FBXW11: variants seen among roughly 807,000 people sequenced by gnomAD.
FBXW11 encodes the protein F-box and WD repeat domain containing 11.
A neutral mutation model predicts 77.6 loss-of-function variants in FBXW11; 19 were observed. That is an observed-to-expected ratio of 0.24 (90% CI 0.17 to 0.36). The LOEUF (loss-of-function observed/expected upper bound fraction) is 0.36, where lower values mean the gene tolerates loss of function less well. Among genes scored for constraint, FBXW11 ranks in the 10% least tolerant of loss-of-function variants. The pLI is 1.00. For synonymous variants in FBXW11, 235 were observed against 249.4 expected (o/e 0.94, Z 0.54); for missense variants, 334 against 704.2 (o/e 0.47, Z 5.95).
chr5:172,001,264 TAGA>T (rs1214740498), intron 1 of FBXW11, among the ~76,000 whole-genome samples: 1 of 152,230 alleles, frequency 6.6e-6, no homozygotes, highest in Non-Finnish European at 1.5e-5. Context: ...ACACAGCCTC[TAGA>T]AGAAGAGTTT....
chr5:171,995,085 T>G (rs1435139033), intron 1 of FBXW11, among the ~76,000 whole-genome samples: 1 of 152,180 alleles, frequency 6.6e-6, no homozygotes, highest in East Asian at 1.9e-4. Context: ...AAAGAAAATT[T>G]TTTTAAGATG....
intron 1 of FBXW11, among the ~76,000 whole-genome samples, chr5:171,990,034 T>C (rs951173377): frequency 2.0e-5 from 3 of 152,032 alleles, no homozygotes; most frequent in Non-Finnish European, 4.4e-5. Flanking sequence ...ATTATGATGT[T>C]TGCAACTTAC....
At chr5:171,912,333 G>C (rs1760931768) in intron 3 of FBXW11, among the ~76,000 whole-genome samples, 1 of 152,066 alleles carries the variant, frequency 6.6e-6, no homozygotes, top group Middle Eastern at 3.2e-3. Context: ...ACCACCAGGG[G>C]GAAGCATTGA....
intron 2 of FBXW11, among the ~76,000 whole-genome samples, chr5:171,930,922 T>C (rs1196978695): frequency 1.3e-5 from 2 of 152,004 alleles, no homozygotes; most frequent in Admixed American, 1.3e-4. Context: ...TAAAAACATA[T>C]TACCATTTAC....
intron 7 of FBXW11, among the ~76,000 whole-genome samples, chr5:171,888,514 G>T (rs993485825): frequency 1.3e-5 from 2 of 152,218 alleles, no homozygotes; most frequent in East Asian, 1.9e-4. Flanking sequence ...CCCCTCTGAT[G>T]ATGTCAAGAC....
intron 7 of FBXW11, among the ~76,000 whole-genome samples, chr5:171,890,145 A>G (rs1253076649): frequency 6.6e-6 from 1 of 152,172 alleles, no homozygotes; most frequent in African/African-American, 2.4e-5. Flanking sequence ...GTGAATTTAA[A>G]GCAAAATGAG....
Position 171,863,906 on chromosome 5 carries a change from T to G in FBXW11, c.*221A>C, listed in dbSNP as rs1159719332. ...GGAAGGAAACGGGCTTCTGTTCTAC[T>G]TGAAGCCGGGGAAGCTAAGGTCTCC... is the stretch of plus-strand genomic sequence containing the variant. On this transcript the variant is annotated 3_prime_UTR_variant, in exon 14 of 14. Coordinates refer to ENST00000517395, the MANE Select transcript of FBXW11 (RefSeq NM_001378974.1). 2 of 152,288 alleles carry G rather than the reference T, an allele frequency of 1.3e-5. No individual in the cohort carries two copies. Among genetic ancestry groups the G allele is most frequent in the African/African-American group, 2.4e-5 (1 of 41,442 alleles). 9.4% of individuals were successfully genotyped at this position (152,288 alleles called of 1,614,324 possible). A position where few individuals can be genotyped will look rare whatever the true frequency, so the allele number is the denominator to read the frequency against.
At chr5:171,890,362 A>G (rs1265030898) in intron 7 of FBXW11, among the ~76,000 whole-genome samples, 3 of 152,062 alleles carry the variant, frequency 2.0e-5, no homozygotes, top group African/African-American at 7.2e-5. Flanking sequence ...ATCTCTACTA[A>G]AAACAAAAAA....
chr5:171,970,687 G>C (rs1190868835), intron 1 of FBXW11, among the ~76,000 whole-genome samples: 2 of 152,042 alleles, frequency 1.3e-5, no homozygotes, highest in Non-Finnish European at 2.9e-5. Flanking sequence ...GGAAAACAAT[G>C]GTAATAAAAA....
At chr5:171,994,973 G>T (rs911838303) in intron 1 of FBXW11, among the ~76,000 whole-genome samples, 5 of 152,192 alleles carry the variant, frequency 3.3e-5, no homozygotes, top group African/African-American at 9.7e-5. Context: ...GGGAGGCAAA[G>T]GTTGCAGTGA....
chr5:171,982,331 A>G (rs1406811285), intron 1 of FBXW11, among the ~76,000 whole-genome samples: 1 of 152,128 alleles, frequency 6.6e-6, no homozygotes, highest in East Asian at 1.9e-4. Context: ...ATGCAATGGC[A>G]TAATCTCAGC....
At chr5:171,895,598 A>G (rs780622803) in intron 6 of FBXW11, among the ~76,000 whole-genome samples, 13 of 152,188 alleles carry the variant, frequency 8.5e-5, no homozygotes, top group Non-Finnish European at 7.3e-5. Context: ...GTTTGTCACT[A>G]CTCAAATGGC....
chr5:171,898,993 C>A lies in FBXW11; in HGVS notation c.714+11G>T. ...CAAAGAGCCCATAAAACAGATAAAT[C>A]ATAAAGTTACCTCTATATCCTGGAT... On this transcript the variant is annotated intron_variant, in intron 6 of 13. Coordinates refer to ENST00000517395, the MANE Select transcript of FBXW11 (RefSeq NM_001378974.1). 6.5e-7 allele frequency: 1 copy of A among 1,537,134 alleles called. No homozygotes were observed. Among genetic ancestry groups the A allele is most frequent in the Non-Finnish European group, 8.8e-7 (1 of 1,132,682 alleles).
intron 2 of FBXW11, among the ~76,000 whole-genome samples, chr5:171,926,927 G>A (rs1761920755): frequency 6.6e-6 from 1 of 151,952 alleles, no homozygotes; most frequent in Non-Finnish European, 1.5e-5. Flanking sequence ...AGTGCAGTGG[G>A]AAAAGAATGG....
intron 2 of FBXW11, among the ~76,000 whole-genome samples, chr5:171,944,268 A>T (rs1312859570): frequency 6.6e-6 from 1 of 151,864 alleles, no homozygotes; most frequent in East Asian, 1.9e-4. Flanking sequence ...TATGTAAAAC[A>T]TATGCATAGA....
At chr5:171,992,662 T>A (rs1349699760) in intron 1 of FBXW11, among the ~76,000 whole-genome samples, 1 of 152,064 alleles carries the variant, frequency 6.6e-6, no homozygotes, top group African/African-American at 2.4e-5. Flanking sequence ...CATACACCAA[T>A]ACATACATTC....
At chr5:171,927,504 A>G (rs1222793424) in intron 2 of FBXW11, among the ~76,000 whole-genome samples, 1 of 152,212 alleles carries the variant, frequency 6.6e-6, no homozygotes, top group East Asian at 1.9e-4. Context: ...AAAATACACA[A>G]ATGAAGTTTT....
At chr5:171,915,874 T>G (rs750228237) in intron 2 of FBXW11, among the ~76,000 whole-genome samples, 7 of 151,852 alleles carry the variant, frequency 4.6e-5, no homozygotes, top group Admixed American at 2.0e-4. Flanking sequence ...ATTAAGAAAA[T>G]GTGGCACATA....
At chr5:171,886,180 G>A (rs954102098) in intron 7 of FBXW11, among the ~76,000 whole-genome samples, 1 of 152,094 alleles carries the variant, frequency 6.6e-6, no homozygotes, top group Non-Finnish European at 1.5e-5. Context: ...GCAAAGACTT[G>A]GAACCAACCC....
Sources: gnomAD v4.1 joint callset for allele counts (sites outside exome capture counted in the v4.1 genomes callset) on GRCh38, gnomAD v4.1.1 for gene constraint, MANE v1.5 for transcripts, NCBI Gene and HGNC (gene_info 2026-07-23, HGNC 2026-07-21) for gene names.